The following EPHB2 variants were observed in gnomAD, a reference collection of about 807,000 sequenced individuals.
The protein encoded by EPHB2 is ephrin type-B receptor 2.
A neutral mutation model predicts 96.4 loss-of-function variants in EPHB2; 18 were observed. The ratio of observed to expected loss-of-function variants is 0.19; its 90% CI spans 0.13 to 0.28. EPHB2 has a LOEUF of 0.28. Ranked by LOEUF, EPHB2 falls within the 10% of genes least tolerant of loss-of-function variation. EPHB2 has a pLI of 1.00. For missense variants in EPHB2, 989 were observed against 1,355.4 expected (o/e 0.73, Z 4.25); for synonymous variants, 506 against 534.1 (o/e 0.95, Z 0.72).
intron 1 of EPHB2, among the ~76,000 whole-genome samples, chr1:22,718,436 A>C (rs1303410313): frequency 4.6e-5 from 6 of 131,594 alleles, no homozygotes; most frequent in Non-Finnish European, 9.2e-5. Flanking sequence ...CCCAGGCTGG[A>C]CTGCAGTGGT....
chr1:22,736,436 C>T (rs1028396429), intron 1 of EPHB2, among the ~76,000 whole-genome samples: 16 of 152,202 alleles, frequency 1.1e-4, no homozygotes, highest in Non-Finnish European at 2.1e-4. Context: ...CCATGGGGCC[C>T]CCCTTCCCAA....
At chr1:22,835,349 C>T (rs1645365068) in intron 3 of EPHB2, among the ~76,000 whole-genome samples, 1 of 152,160 alleles carries the variant, frequency 6.6e-6, no homozygotes, top group Non-Finnish European at 1.5e-5. Flanking sequence ...CACTACCCTC[C>T]AGCCTGGGTG....
intron 3 of EPHB2, chr1:22,836,734 C>T (rs1645391338): frequency 6.5e-6 from 1 of 152,738 alleles, no homozygotes. Flanking sequence ...CCTTTTGTAG[C>T]ATGCACCAGG....
At chr1:22,890,963 G>A (rs768695392) in intron 6 of EPHB2, among the ~76,000 whole-genome samples, 1 of 152,180 alleles carries the variant, frequency 6.6e-6, no homozygotes, top group Non-Finnish European at 1.5e-5. Context: ...TTGGGTATGT[G>A]TGTATAGCAG....
chr1:22,878,496 G>A (rs542154533), intron 5 of EPHB2, among the ~76,000 whole-genome samples: 11 of 152,230 alleles, frequency 7.2e-5, no homozygotes, highest in African/African-American at 2.4e-4. Flanking sequence ...CCAGCACCCC[G>A]TATCATGTGG....
Position 22,906,724 on chromosome 1 carries a change from G to T in EPHB2, c.1903G>T (p.Val635Phe). Residue 635 changes from valine to phenylalanine, a missense_variant, in exon 11 of 16, where the codon GTC (valine) becomes TTC (phenylalanine). Transcript: ENST00000374630. This position sits in a 1 kb window ranked among gnomAD's most constrained non-coding sequence, Gnocchi z 4.8. ...QVIGAGEFGE[V>F]CSGHLKLPGK... The stretch of plus-strand genomic sequence containing the variant: ...TTCTCTCTCAGGGGAGTTTGGCGAG[G>T]TCTGCAGTGGCCACCTGAAGCTGCC... 6.2e-7 allele frequency: 1 copy of T among 1,614,176 alleles called. No homozygotes were observed. Among genetic ancestry groups the T allele is most frequent in the Non-Finnish European group, 8.5e-7 (1 of 1,180,048 alleles).
chr1:22,776,487 G>A (rs1171813377), intron 1 of EPHB2, among the ~76,000 whole-genome samples: 3 of 152,234 alleles, frequency 2.0e-5, no homozygotes, highest in African/African-American at 4.8e-5. Flanking sequence ...GATTGTCACC[G>A]TCACAGTGGG....
intron 1 of EPHB2, among the ~76,000 whole-genome samples, chr1:22,765,318 G>T (rs540339687): frequency 1.3e-5 from 2 of 151,966 alleles, no homozygotes; most frequent in African/African-American, 4.8e-5. Flanking sequence ...GGGCTGAGAC[G>T]GAAGGATCAC....
intron 5 of EPHB2, among the ~76,000 whole-genome samples, chr1:22,879,710 G>A (rs1371325050): frequency 6.6e-6 from 1 of 152,236 alleles, no homozygotes; most frequent in Admixed American, 6.5e-5. Context: ...GGGGTTAAAT[G>A]AGATGCTGCA....
At chr1:22,796,600 T>G (rs1379583284) in intron 3 of EPHB2, among the ~76,000 whole-genome samples, 3 of 152,218 alleles carry the variant, frequency 2.0e-5, no homozygotes, top group South Asian at 2.1e-4. Flanking sequence ...GGCCACAGCT[T>G]GCCAGCTTCA....
At chr1:22,769,451 G>A (rs1337668796) in intron 1 of EPHB2, among the ~76,000 whole-genome samples, 1 of 152,040 alleles carries the variant, frequency 6.6e-6, no homozygotes, top group African/African-American at 2.4e-5. Context: ...CTGTCACCTA[G>A]GCTGGAATGC....
chr1:22,840,301 A>G (rs537250789), intron 3 of EPHB2, among the ~76,000 whole-genome samples: 1 of 152,328 alleles, frequency 6.6e-6, no homozygotes, highest in African/African-American at 2.4e-5. Flanking sequence ...CACAAGTGTA[A>G]AGATACTCTT....
At chr1:22,898,624 G>T (rs1639646949) in intron 9 of EPHB2, among the ~76,000 whole-genome samples, 1 of 152,204 alleles carries the variant, frequency 6.6e-6, no homozygotes, top group African/African-American at 2.4e-5. Flanking sequence ...CCAAGTTACG[G>T]CCTTGGCGGG....
At chr1:22,799,612 C>T (rs1431868004) in intron 3 of EPHB2, among the ~76,000 whole-genome samples, 2 of 152,182 alleles carry the variant, frequency 1.3e-5, no homozygotes, top group Non-Finnish European at 2.9e-5. Context: ...TCTAAATGCT[C>T]GAAGTCATGA....
rs201413157 is a variant in EPHB2 at position 22,826,931 on chromosome 1, G to C, written c.812-36106G>C. Among the ~76,000 whole-genome samples the C allele has an allele frequency of 2.6e-5, 4 of 152,360 alleles. No homozygotes were observed. In the East Asian group the frequency reaches 5.8e-4, roughly 22 times the overall value. On this transcript the variant is annotated intron_variant, in intron 3 of 15. Transcript: ENST00000374630. ...TAGAGAGGGTTTATAAATTGAGCCA[G>C]GTTCTTTCTGGATGTCCCACAGTCC...
chr1:22,879,183 A>C (rs1375254820), intron 5 of EPHB2, among the ~76,000 whole-genome samples: 1 of 140,352 alleles, frequency 7.1e-6, no homozygotes, highest in African/African-American at 2.6e-5. Context: ...AGCTTCTCAG[A>C]GCACCCTGTC....
At chr1:22,755,710 G>A (rs1197231522) in intron 1 of EPHB2, among the ~76,000 whole-genome samples, 3 of 152,096 alleles carry the variant, frequency 2.0e-5, no homozygotes, top group Admixed American at 6.5e-5. Context: ...GGACTAATAC[G>A]GTGCCTATGT....
intron 9 of EPHB2, among the ~76,000 whole-genome samples, chr1:22,903,318 C>T (rs1284587379): frequency 2.0e-5 from 3 of 152,248 alleles, no homozygotes; most frequent in Non-Finnish European, 4.4e-5. Context: ...GGCTGAAAGC[C>T]AGTTGTCAAG....
In EPHB2 at chr1:22,772,268, G is replaced by A. The variant is rs576849228; in HGVS notation, c.62-9153G>A. 2.2e-3 allele frequency among the ~76,000 whole-genome samples: 338 copies of A among 152,302 alleles called. 2 individuals carry two copies. The highest frequency in any genetic ancestry group is 7.8e-3 in the African/African-American group (324 of 41,560). On this transcript the variant is annotated intron_variant, in intron 1 of 15. Transcript: ENST00000374630. ...GTGCTGGCGGATGCCCAGGCCAGCG[G>A]CAGGCAGGCAGGGGACAGAGCAGAG... is the stretch of plus-strand genomic sequence containing the variant.
Sources: gnomAD v4.1 joint callset for allele counts (sites outside exome capture counted in the v4.1 genomes callset) on GRCh38, gnomAD v4.1.1 for gene constraint, Gnocchi (gnomAD v3.1) non-coding constraint, MANE v1.5 for transcripts, NCBI Gene and HGNC (gene_info 2026-07-23, HGNC 2026-07-21) for gene names.